PPOX: variants seen among roughly 807,000 people sequenced by gnomAD.
PPOX encodes the protein protoporphyrinogen oxidase, also known as variegate porphyria.
In PPOX, 23 loss-of-function variants were observed where a neutral mutation model predicts 54.1. The observed-to-expected ratio is 0.43, with a 90% CI of 0.31 to 0.60. The LOEUF is 0.60. Among genes scored for constraint, PPOX ranks in the 20% least tolerant of loss-of-function variants. The pLI is 0.13. For synonymous variants in PPOX, 224 were observed against 236.1 expected, an observed-to-expected ratio of 0.95 and a Z score of 0.47; for missense variants, 512 against 601.1, an observed-to-expected ratio of 0.85 and a Z score of 1.55.
At chr1:161,173,833 T>C, downstream of PPOX, 1 of 1,611,124 alleles carries the variant, frequency 6.2e-7, no homozygotes, top group Non-Finnish European at 8.5e-7. Context: ...CTTCCCTGTT[T>C]CCCAGTACCC....
chr1:161,176,902 T>C, exon 5 of PPOX: 1 of 1,536,216 alleles, frequency 6.5e-7, no homozygotes. Flanking sequence ...TGGAGTGGCC[T>C]AAGGAGTACC....
chr1:161,168,816 C>T (rs1660061483), intron 6 of PPOX, among the ~76,000 whole-genome samples, 177 bp from the exon 7 acceptor site: 1 of 152,196 alleles, frequency 6.6e-6, no homozygotes, highest in Admixed American at 6.5e-5. Flanking sequence ...ACATGTGCCA[C>T]CACTCCCAGC....
At chr1:161,171,367 AC>A, downstream of PPOX, 1 of 1,003,816 alleles carries the variant, frequency 1.0e-6, no homozygotes, top group Non-Finnish European at 1.5e-6. Flanking sequence ...CTGAGCCAGG[AC>A]CAGAAGAGGG....
In PPOX at chr1:161,171,062, C is replaced by T; in HGVS notation, c.1320C>T (p.His440=). Residue 440 remains histidine, a synonymous_variant, in exon 13 of 13, where the codon CAC becomes CAT. Transcript: ENST00000367999. ...LESARQFLTA[H]RLPLTLAGAS... is the part of the protein sequence containing the mutation. ...CAGCTAGGCAATTCCTGACTGCTCA[C>T]AGGTTGCCCCTGACTCTGGCTGGAG... 2.5e-6 allele frequency: 4 copies of T among 1,614,196 alleles called. No homozygotes were observed. The highest frequency in any genetic ancestry group is 3.4e-6 in the Non-Finnish European group (4 of 1,180,030).
Position 161,167,355 on chromosome 1 carries a change from G to GA in PPOX, c.223-16_223-15insA. The GA allele has an allele frequency of 1.2e-6, 2 of 1,613,944 alleles. No homozygotes were observed. The highest frequency in any genetic ancestry group is 1.7e-6 in the Non-Finnish European group (2 of 1,179,990). ...TTCCCTTAGTTTCTCCTCTTCTGAG[G>GA]GCATGTGGAGAGCAGGTTTCTGAGC... On this transcript the variant is annotated splice_polypyrimidine_tract_variant and intron_variant, in intron 3 of 12. Transcript: ENST00000367999.
downstream of PPOX, chr1:161,173,455 G>C: frequency 1.7e-6 from 2 of 1,165,710 alleles, no homozygotes; most frequent in Non-Finnish European, 2.5e-6. Flanking sequence ...AGCCTGACCT[G>C]GGTATCCTAA....
In PPOX at chr1:161,169,906, T is replaced by G; in HGVS notation, c.869T>G (p.Val290Gly). The change falls in exon 9 of 13, where the codon GTG becomes GGG. Residue 290 changes from valine to glycine, a missense_variant and splice_region_variant. Val to Gly is a moderately radical substitution (Grantham distance 109). Transcript: ENST00000367999. ...DHVISAIPAS[V>G]LSELLPAEAA... is the part of the protein sequence containing the mutation. Reference sequence around the variant, plus strand: ...AGTCAGGCCTCTGCCTGATCTCTAGTGCTCAGTGAGCTGCTCCCTGCTGAG... The same window carrying G: ...AGTCAGGCCTCTGCCTGATCTCTAGGGCTCAGTGAGCTGCTCCCTGCTGAG... 1 of 1,614,264 alleles carries G rather than the reference T, an allele frequency of 6.2e-7. No homozygotes were observed. The highest frequency in any genetic ancestry group is 8.5e-7 in the Non-Finnish European group (1 of 1,180,038).
rs764357179 is a variant in PPOX, at chr1:161,168,586, G to T, written c.616+10G>T. ...CTGCTGCTGGGGGCAGGTGAGGGGG[G>T]ATTGATTCAGAGGGTGAAAATATTA... On this transcript the variant is annotated intron_variant, in intron 6 of 12. Transcript: ENST00000367999. 10 of 1,613,694 alleles carry T rather than the reference G, an allele frequency of 6.2e-6. No individual in the cohort carries two copies. In the South Asian group the frequency reaches 1.1e-4, roughly 18 times the overall value.
chr1:161,176,735 A>AC, intron 4 of PPOX: 1 of 817,142 alleles, frequency 1.2e-6, no homozygotes, highest in Non-Finnish European at 1.9e-6. Context: ...CTCCCGTGCT[A>AC]CCCTGGAATG....
chr1:161,165,970 G>A (rs916528373), upstream of PPOX: 25 of 445,762 alleles, frequency 5.6e-5, no homozygotes, highest in African/African-American at 5.4e-4. Flanking sequence ...GGTTTGGTCG[G>A]CGATGGGGGA....
chr1:161,165,999 A>T, upstream of PPOX: 3 of 765,216 alleles, frequency 3.9e-6, no homozygotes, highest in Non-Finnish European at 4.8e-6. Context: ...GTTGACAAAC[A>T]CTGGGTACGT....
rs1352842271 is a variant in PPOX, at chr1:161,170,002, AAGG to A, written c.968_970del (p.Gly323del). On this transcript the variant is annotated inframe_deletion, in exon 9 of 13. Coordinates refer to ENST00000367999, the MANE Select transcript of PPOX (RefSeq NM_001122764.3). Reference sequence around the variant, plus strand: ...GTAGCTGTGGTGAATCTGCAGTACCAAGGAGCCCATCTGCCTGTCCAGGTATGA... The same window carrying A: ...GTAGCTGTGGTGAATCTGCAGTACCAAGCCCATCTGCCTGTCCAGGTATGA... The A allele has an allele frequency of 1.2e-6, 2 of 1,613,920 alleles. No homozygotes were observed. The highest frequency in any genetic ancestry group is 1.3e-5 in the African/African-American group (1 of 75,014).
downstream of PPOX, chr1:161,177,109 G>A: frequency 6.6e-7 from 1 of 1,520,672 alleles, no homozygotes; most frequent in Non-Finnish European, 8.8e-7. Flanking sequence ...GGTTACTGCT[G>A]AAGAGAAAGG....
chr1:161,177,467 C>G (rs555392362), downstream of PPOX: 56 of 172,670 alleles, frequency 3.2e-4, no homozygotes, highest in Admixed American at 1.1e-3. Context: ...AACAGCCGGG[C>G]AGGCATCGCT....
At position 161,169,203 on chromosome 1, in the gene PPOX, G is replaced by A. The variant is rs1369649938; in HGVS notation, c.807+20G>A. 2.5e-6 allele frequency: 4 copies of A among 1,612,092 alleles called. No homozygotes were observed. Among genetic ancestry groups the A allele is most frequent in the Non-Finnish European group, 3.4e-6 (4 of 1,179,744 alleles). ...TGGAAGGTAGGGGAACCCCTGGAGT[G>A]TAATGAACCTGTCAGTGTTTCCATC... On this transcript the variant is annotated intron_variant, in intron 7 of 12. Coordinates refer to ENST00000367999, the MANE Select transcript of PPOX (RefSeq NM_001122764.3).
At chr1:161,172,434 G>A, downstream of PPOX, 1 of 1,017,388 alleles carries the variant, frequency 9.8e-7, no homozygotes. Context: ...TACTTAGTAG[G>A]CAAAAGAAAA....
upstream of PPOX, chr1:161,166,289 C>T (rs916853191): frequency 2.0e-6 from 2 of 1,019,928 alleles, no homozygotes; most frequent in African/African-American, 1.7e-5. Context: ...CACGGTTAAC[C>T]TCCAGCTCTT....
downstream of PPOX, chr1:161,176,069 T>G: frequency 1.2e-6 from 2 of 1,612,612 alleles, no homozygotes; most frequent in African/African-American, 2.7e-5. Context: ...ATCCTGGGGG[T>G]GAGATCTAGG....
chr1:161,171,087 G>T lies in PPOX; in HGVS notation c.1345G>T (p.Ala449Ser). Residue 449 changes from alanine (A) to serine (S), a missense_variant, in exon 13 of 13, where the codon GCC (alanine) becomes TCC (serine). Ala to Ser is a moderately conservative substitution (Grantham distance 99). Transcript: ENST00000367999. The part of the protein sequence containing the change: ...AHRLPLTLAG[A>S]SYEGVAVNDC... ...CAGGTTGCCCCTGACTCTGGCTGGA[G>T]CCTCCTATGAGGGAGTTGCTGTTAA... The T allele has an allele frequency of 6.2e-7, 1 of 1,614,174 alleles. No individual in the cohort carries two copies. The highest frequency in any genetic ancestry group is 1.7e-5 in the Admixed American group (1 of 60,028).
Sources: gnomAD v4.1 joint callset for allele counts (sites outside exome capture counted in the v4.1 genomes callset) on GRCh38, gnomAD v4.1.1 for gene constraint, MANE v1.5 for transcripts, NCBI Gene and HGNC (gene_info 2026-07-23, HGNC 2026-07-21) for gene names.